The following PDE4B variants were observed in gnomAD, a reference collection of about 807,000 sequenced individuals.
The protein encoded by PDE4B is 3',5'-cyclic-AMP phosphodiesterase 4B.
In PDE4B, 20 loss-of-function variants were observed where a neutral mutation model predicts 82.2. The observed-to-expected ratio is 0.24, with a 90% CI of 0.17 to 0.35. The LOEUF (loss-of-function observed/expected upper bound fraction) is 0.35, where lower values mean the gene tolerates loss of function less well. Ranked by LOEUF, PDE4B falls within the 10% of genes least tolerant of loss-of-function variation. The pLI, the probability that PDE4B is intolerant of heterozygous loss-of-function variation, is 1.00. For synonymous variants in PDE4B, 320 were observed against 318.9 expected (o/e 1.00, Z -0.04); for missense variants, 655 against 907.2 (o/e 0.72, Z 3.57).
At chr1:66,168,338 ATGT>A (rs1646775010) in intron 3 of PDE4B, among the ~76,000 whole-genome samples, 1 of 152,100 alleles carries the variant, frequency 6.6e-6, no homozygotes, top group African/African-American at 2.4e-5. Flanking sequence ...TTAGACAGTG[ATGT>A]TGTGAGAAAA....
At chr1:66,095,397 G>A (rs184103302) in intron 3 of PDE4B, among the ~76,000 whole-genome samples, 6 of 151,932 alleles carry the variant, frequency 3.9e-5, no homozygotes, top group East Asian at 1.9e-4. Flanking sequence ...GACATATGGC[G>A]CAATTACTGT....
intron 3 of PDE4B, among the ~76,000 whole-genome samples, chr1:66,106,316 G>T (rs538778304): frequency 6.6e-6 from 1 of 151,664 alleles, no homozygotes; most frequent in East Asian, 1.9e-4. Context: ...TAAGCTTTTT[G>T]ATGTGCTGCT....
At chr1:66,115,636 A>C (rs1022632176) in intron 3 of PDE4B, among the ~76,000 whole-genome samples, 6 of 152,254 alleles carry the variant, frequency 3.9e-5, no homozygotes, top group Non-Finnish European at 8.8e-5. Context: ...CCCAGTAGGC[A>C]CATTCGCTGT....
intron 15 of PDE4B, among the ~76,000 whole-genome samples, chr1:66,368,578 G>A (rs902171855): frequency 2.0e-5 from 3 of 152,188 alleles, no homozygotes; most frequent in African/African-American, 7.2e-5. Flanking sequence ...GAAGACACAC[G>A]TTTTCCCCTT....
At chr1:66,370,409 G>C (rs541325756) in intron 16 of PDE4B, among the ~76,000 whole-genome samples, 1 of 152,142 alleles carries the variant, frequency 6.6e-6, no homozygotes, top group Non-Finnish European at 1.5e-5. Flanking sequence ...TCCCCAAACA[G>C]CCTTGCAAGA....
At chr1:65,813,392 G>A (rs1645841657) in intron 1 of PDE4B, among the ~76,000 whole-genome samples, 1 of 152,132 alleles carries the variant, frequency 6.6e-6, no homozygotes, top group Non-Finnish European at 1.5e-5. Flanking sequence ...TTTGCTGGGG[G>A]AAATGGCATG....
chr1:65,947,990 T>G (rs1367420685), intron 3 of PDE4B, among the ~76,000 whole-genome samples: 1 of 148,294 alleles, frequency 6.7e-6, no homozygotes, highest in East Asian at 2.0e-4. Flanking sequence ...ATATATAATA[T>G]ATGCATACAT....
intron 3 of PDE4B, among the ~76,000 whole-genome samples, chr1:65,978,456 G>T (rs1035476799): frequency 6.6e-6 from 1 of 152,142 alleles, no homozygotes; most frequent in Non-Finnish European, 1.5e-5. Flanking sequence ...ATTTCTCAAG[G>T]ATGATGAAGA....
chr1:66,046,438 C>G (rs1016241861), intron 3 of PDE4B, among the ~76,000 whole-genome samples: 1 of 151,746 alleles, frequency 6.6e-6, no homozygotes, highest in African/African-American at 2.4e-5. Context: ...TTCTTCAGTT[C>G]AACTTTCCTT....
intron 3 of PDE4B, among the ~76,000 whole-genome samples, chr1:66,005,553 TAA>T (rs1652104718): frequency 6.6e-6 from 1 of 152,170 alleles, no homozygotes; most frequent in Non-Finnish European, 1.5e-5. Flanking sequence ...GTTATATCTT[TAA>T]GTCCAGGGAT....
rs185766192 is a variant in PDE4B at position 65,895,104 on chromosome 1, T to C, written c.-70-18141T>C. Among the ~76,000 whole-genome samples the C allele has an allele frequency of 3.9e-5, 6 of 152,268 alleles. No individual in the cohort carries two copies. In the East Asian group the frequency reaches 1.2e-3, roughly 29 times the overall value. On this transcript the variant is annotated intron_variant, in intron 1 of 16. Coordinates refer to ENST00000341517, the MANE Select transcript of PDE4B (RefSeq NM_002600.4). ...TGTACTTGAATGTTCATTGCAACTT[T>C]ATAAGGTGTGAGGGGATGGAATTTA...
chr1:65,855,428 G>A (rs926620885), intron 1 of PDE4B, among the ~76,000 whole-genome samples: 5 of 152,054 alleles, frequency 3.3e-5, no homozygotes, highest in African/African-American at 1.2e-4. Context: ...AATGAGTCTC[G>A]AGTAGCCCTT....
In PDE4B at chr1:66,146,222, C is replaced by T. The variant is rs1392382647; in HGVS notation, c.282-101238C>T. Among the ~76,000 whole-genome samples, 11 of 127,040 alleles carry T rather than the reference C, an allele frequency of 8.7e-5. No individual in the cohort carries two copies. The Admixed American group carries it at 9.4e-4, about 11-fold the overall frequency. 83.3% of individuals were successfully genotyped at this position (127,040 alleles called of 152,430 possible). A position where few individuals can be genotyped will look rare whatever the true frequency, so the allele number is the denominator to read the frequency against. On this transcript the variant is annotated intron_variant, in intron 3 of 16. Coordinates refer to ENST00000341517, the MANE Select transcript of PDE4B (RefSeq NM_002600.4). ...TTTTTGAGACGGAGTCTCACTCTGT[C>T]CCCCAAACTGGAGTGCAGTGGCGCA...
At chr1:65,953,004 G>C (rs967993801) in intron 3 of PDE4B, among the ~76,000 whole-genome samples, 1 of 152,080 alleles carries the variant, frequency 6.6e-6, no homozygotes, top group Non-Finnish European at 1.5e-5. Flanking sequence ...CCTCCACCGG[G>C]CATGGAACAT....
chr1:65,912,803 G>A lies in PDE4B; in HGVS notation c.-70-442G>A, dbSNP rs528670878. 5.3e-4 allele frequency among the ~76,000 whole-genome samples: 80 copies of A among 151,628 alleles called. 1 individual carries two copies. Among genetic ancestry groups the A allele is most frequent in the Non-Finnish European group, 8.7e-4 (59 of 67,944 alleles). On this transcript the variant is annotated intron_variant, in intron 1 of 16. Transcript: ENST00000341517. ...GTCATATTCTTTAAATTCTGAACTCGTCATATTTTAGCTGTGTTACCTTGG... is the reference window on the plus strand; with the variant it reads ...GTCATATTCTTTAAATTCTGAACTCATCATATTTTAGCTGTGTTACCTTGG...
At chr1:66,186,211 A>G (rs1453029037) in intron 3 of PDE4B, among the ~76,000 whole-genome samples, 1 of 152,212 alleles carries the variant, frequency 6.6e-6, no homozygotes, top group African/African-American at 2.4e-5. Context: ...TTTTGGTACC[A>G]GCACCATGCT....
chr1:65,862,835 C>T (rs898509075), intron 1 of PDE4B, among the ~76,000 whole-genome samples: 1 of 152,110 alleles, frequency 6.6e-6, no homozygotes, highest in African/African-American at 2.4e-5. Flanking sequence ...AGTTTATTTG[C>T]ATAGAGGTGT....
chr1:65,985,721 T>A (rs1477733322), intron 3 of PDE4B, among the ~76,000 whole-genome samples: 1 of 152,146 alleles, frequency 6.6e-6, no homozygotes, highest in Non-Finnish European at 1.5e-5. Context: ...GATTTAATGA[T>A]GACCTAGGGA....
chr1:65,864,012 T>C (rs1380924095), intron 1 of PDE4B, among the ~76,000 whole-genome samples: 3 of 152,168 alleles, frequency 2.0e-5, no homozygotes, highest in African/African-American at 7.2e-5. Context: ...TTAATATTAT[T>C]ATGTGTGAAT....
Sources: gnomAD v4.1 joint callset for allele counts (sites outside exome capture counted in the v4.1 genomes callset) on GRCh38, gnomAD v4.1.1 for gene constraint, MANE v1.5 for transcripts, NCBI Gene and HGNC (gene_info 2026-07-23, HGNC 2026-07-21) for gene names.